Variants in SEC14L4 observed in about 807,000 individuals in gnomAD.
The protein encoded by SEC14L4 is SEC14-like protein 4.
In SEC14L4, 42 loss-of-function variants were observed where a neutral mutation model predicts 55.1. The ratio of observed to expected loss-of-function variants is 0.76; its 90% CI spans 0.60 to 0.99. The LOEUF (loss-of-function observed/expected upper bound fraction) is 0.99, where lower values mean the gene tolerates loss of function less well. Ranked by LOEUF, SEC14L4 falls within the 50% of genes least tolerant of loss-of-function variation. The probability of loss-of-function intolerance (pLI) is 0.00; values close to 1 mark genes in which losing one functional copy is unlikely to be tolerated. For missense variants in SEC14L4, 445 were observed against 512.1 expected, an observed-to-expected ratio of 0.87 and a Z score of 1.27; for synonymous variants, 206 against 206.8, an observed-to-expected ratio of 1.00 and a Z score of 0.03.
intron 2 of SEC14L4, among the ~76,000 whole-genome samples, chr22:30,499,070 A>C (rs1455024689): frequency 6.6e-6 from 1 of 151,928 alleles, no homozygotes; most frequent in Non-Finnish European, 1.5e-5. Flanking sequence ...CCTCCTGAGT[A>C]GCTGAGACTA....
chr22:30,495,776 TG>T (rs753192764), intron 3 of SEC14L4, 134 bp from the exon 4 acceptor site: 12 of 1,598,942 alleles, frequency 7.5e-6, no homozygotes, highest in Non-Finnish European at 1.0e-5. Context: ...GGAGGTGGGC[TG>T]GGGGGACTTG....
chr22:30,494,808 AG>A, intron 6 of SEC14L4, 57 bp downstream of exon 6: 1 of 1,120,032 alleles, frequency 8.9e-7, no homozygotes, highest in Non-Finnish European at 1.4e-6. Flanking sequence ...ATTCACAGCT[AG>A]GGCTCACAGC....
Position 30,489,673 on chromosome 22 carries a change from C to A in SEC14L4, c.*434G>T. 1.6e-6 allele frequency: 1 copy of A among 630,984 alleles called. No individual in the cohort carries two copies. The highest frequency in any genetic ancestry group is 4.1e-4 in the Middle Eastern group (1 of 2,420). The allele number at this position is 630,984 out of a possible 1,614,324, so 39.1% of individuals were successfully genotyped here. A position where few individuals can be genotyped will look rare whatever the true frequency, so the allele number is the denominator to read the frequency against. ...CTGCTGACCTCCTACATGCAGAGAA[C>A]AGGGCTTCTCTGCTCTTCAGGCCTG... On this transcript the variant is annotated 3_prime_UTR_variant, in exon 12 of 12. Coordinates refer to ENST00000255858, the MANE Select transcript of SEC14L4 (RefSeq NM_174977.4).
rs760788765 is a variant in SEC14L4, at chr22:30,495,382, A to G, written c.295T>C (p.Tyr99His). The change falls in exon 5 of 12, where the codon TAC (tyrosine) becomes CAC (histidine). Residue 99 changes from tyrosine (Y) to histidine (H), a missense_variant. By Grantham distance (83) the Tyr-to-His change is moderately conservative. Coordinates refer to ENST00000255858, the MANE Select transcript of SEC14L4 (RefSeq NM_174977.4). ...CGYDYEGCPV[Y>H]FNIIGSLDPK... ...TCGAGGGACCCAATGATGTTGAAGT[A>G]CACAGGGCAGCCTTCGTAGTCGTAG... 1 of 1,614,090 alleles carries G rather than the reference A, an allele frequency of 6.2e-7. No homozygotes were observed. The highest frequency in any genetic ancestry group is 1.1e-5 in the South Asian group (1 of 91,068).
chr22:30,500,191 G>A (rs576395050), intron 2 of SEC14L4, among the ~76,000 whole-genome samples: 4 of 152,114 alleles, frequency 2.6e-5, no homozygotes, highest in Admixed American at 6.6e-5. Context: ...AAACTCTGGC[G>A]GAATTCATCT....
At position 30,489,069 on chromosome 22, in the gene SEC14L4, C is replaced by G. The variant is rs1935870169; in HGVS notation, c.*1038G>C. 1 of 152,428 alleles carries G rather than the reference C, an allele frequency of 6.6e-6. No homozygotes were observed. The highest frequency in any genetic ancestry group is 2.1e-4 in the South Asian group (1 of 4,828). The allele number at this position is 152,428 out of a possible 1,614,324, so 9.4% of individuals were successfully genotyped here. A position where few individuals can be genotyped will look rare whatever the true frequency, so the allele number is the denominator to read the frequency against. ...GGTGCAGCTGCCAAGAGAACCAAAG[C>G]TAAATGTTGGCAGGATCACAGCAGG... On this transcript the variant is annotated 3_prime_UTR_variant, in exon 12 of 12. Transcript: ENST00000255858.
At chr22:30,503,883 C>T (rs576728097) in intron 1 of SEC14L4, 131 bp from the exon 2 acceptor site, 22 of 614,306 alleles carry the variant, frequency 3.6e-5, no homozygotes, top group Non-Finnish European at 4.5e-5. Context: ...CTGCCCTGAA[C>T]GACTTTGCCA....
Position 30,495,943 on chromosome 22 carries a change from T to G in SEC14L4, c.159A>C (p.Glu53Asp), listed in dbSNP as rs1253658527. The change falls in exon 3 of 12, where the codon GAA (glutamate) becomes GAC (aspartate). Residue 53 changes from glutamate to aspartate, a missense_variant. By Grantham distance (45) the Glu-to-Asp change is conservative. Coordinates refer to ENST00000255858, the MANE Select transcript of SEC14L4 (RefSeq NM_174977.4). ...AGATCCTTACCCTTCGGAGCATGTCTTCGGATTTCTGCAGGTCAAAGTTTC... is the reference window on the plus strand; with the variant it reads ...AGATCCTTACCCTTCGGAGCATGTCGTCGGATTTCTGCAGGTCAAAGTTTC... The part of the protein sequence containing the change: ...RARNFDLQKS[E>D]DMLRRHMEFR... 6.2e-7 allele frequency: 1 copy of G among 1,614,024 alleles called. No individual in the cohort carries two copies. Among genetic ancestry groups the G allele is most frequent in the African/African-American group, 1.3e-5 (1 of 75,016 alleles).
intron 7 of SEC14L4, among the ~76,000 whole-genome samples, chr22:30,493,396 C>T (rs138912568): frequency 6.6e-6 from 1 of 152,182 alleles, no homozygotes; most frequent in East Asian, 1.9e-4. Context: ...CTATTGTATC[C>T]CCATCTTACA....
intron 2 of SEC14L4, among the ~76,000 whole-genome samples, chr22:30,499,717 C>T (rs1406671980): frequency 6.6e-6 from 1 of 151,534 alleles, no homozygotes; most frequent in East Asian, 2.0e-4. Flanking sequence ...CCATCCTTGG[C>T]AATGAAGCAA....
At chr22:30,501,493 A>C (rs1406493519) in intron 2 of SEC14L4, among the ~76,000 whole-genome samples, 1 of 152,204 alleles carries the variant, frequency 6.6e-6, no homozygotes, top group Non-Finnish European at 1.5e-5. Context: ...TCTTTGGTCC[A>C]GGCTGGGGGC....
At chr22:30,499,078 C>G (rs1446929755) in intron 2 of SEC14L4, among the ~76,000 whole-genome samples, 1 of 151,900 alleles carries the variant, frequency 6.6e-6, no homozygotes, top group African/African-American at 2.4e-5. Context: ...GTAGCTGAGA[C>G]TACAGGCACC....
intron 2 of SEC14L4, among the ~76,000 whole-genome samples, chr22:30,496,276 C>A (rs1275125987): frequency 6.8e-6 from 1 of 147,774 alleles, no homozygotes; most frequent in Non-Finnish European, 1.5e-5. Context: ...CCATGCCTGG[C>A]TAATTTTTTT....
chr22:30,494,197 A>G lies in SEC14L4; in HGVS notation c.533T>C (p.Leu178Pro). ...VEVYQQFFSI[L>P]EANYPETLKN... The stretch of plus-strand genomic sequence containing the variant: ...CAGGGTCTCAGGATAATTTGCTTCC[A>G]GGATGCTAAAAAACTGTGGAGTCAA... Residue 178 changes from leucine (L) to proline (P), a missense_variant, in exon 7 of 12, where the codon CTG becomes CCG. Leu to Pro is a moderately conservative substitution (Grantham distance 98, BLOSUM62 -3). Coordinates refer to ENST00000255858, the MANE Select transcript of SEC14L4 (RefSeq NM_174977.4). 1 of 1,613,752 alleles carries G rather than the reference A, an allele frequency of 6.2e-7. No individual in the cohort carries two copies. Among genetic ancestry groups the G allele is most frequent in the South Asian group, 1.1e-5 (1 of 91,054 alleles).
chr22:30,495,359 G>T lies in SEC14L4; in HGVS notation c.318C>A (p.Leu106=), dbSNP rs143766352. 3 of 1,613,866 alleles carry T rather than the reference G, an allele frequency of 1.9e-6. No homozygotes were observed. The African/African-American group carries it at 4.0e-5, about 22-fold the overall frequency. The change falls in exon 5 of 12, where the codon CTC becomes CTA. Residue 106 remains leucine (L), a synonymous_variant. Coordinates refer to ENST00000255858, the MANE Select transcript of SEC14L4 (RefSeq NM_174977.4). ...CPVYFNIIGS[L]DPKGLLLSAS... is the part of the protein sequence containing the mutation. ...CTGACAGCAGGAGACCCTTGGGGTC[G>T]AGGGACCCAATGATGTTGAAGTACA...
chr22:30,494,348 C>T, intron 6 of SEC14L4, 138 bp from the exon 7 acceptor site: 1 of 691,270 alleles, frequency 1.4e-6, no homozygotes, highest in Non-Finnish European at 2.6e-6. Flanking sequence ...GTGCCTCTTC[C>T]TCTCTGTTAT....
At chr22:30,492,264 G>A (rs1230157781) in intron 8 of SEC14L4, 109 bp from the exon 9 acceptor site, 10 of 1,375,840 alleles carry the variant, frequency 7.3e-6, no homozygotes, top group African/African-American at 2.9e-5. Flanking sequence ...GTGCTCCCCC[G>A]GGCACCTACT....
intron 2 of SEC14L4, among the ~76,000 whole-genome samples, chr22:30,498,272 A>ACG (rs1936214392): frequency 6.6e-6 from 1 of 151,480 alleles, no homozygotes; most frequent in Non-Finnish European, 1.5e-5. Flanking sequence ...ACAGGCATGC[A>ACG]CCGCCATGCC....
chr22:30,494,462 G>A lies in SEC14L4; in HGVS notation c.520-252C>T, dbSNP rs532523718. On this transcript the variant is annotated intron_variant, in intron 6 of 11. Coordinates refer to ENST00000255858, the MANE Select transcript of SEC14L4 (RefSeq NM_174977.4). ...AGGTCACTGCGACCTTGAATTCCTG[G>A]GTTCAAGAGATCCTCCCGCCTCAGC... Among the ~76,000 whole-genome samples the A allele has an allele frequency of 5.9e-5, 9 of 152,206 alleles. No individual in the cohort carries two copies. In the East Asian group the frequency reaches 1.7e-3, roughly 29 times the overall value.
Sources: gnomAD v4.1 joint callset for allele counts (sites outside exome capture counted in the v4.1 genomes callset) on GRCh38, gnomAD v4.1.1 for gene constraint, MANE v1.5 for transcripts, NCBI Gene and HGNC (gene_info 2026-07-23, HGNC 2026-07-21) for gene names.